The following WAPL variants were observed in gnomAD, a reference collection of about 807,000 sequenced individuals.
WAPL encodes the protein WAPL cohesin release factor, also known as wings apart-like protein homolog.
Under a neutral mutation model 121.0 loss-of-function variants are expected in WAPL, and 5 were observed. That is an observed-to-expected ratio of 0.04 (90% CI 0.02 to 0.09). The LOEUF (loss-of-function observed/expected upper bound fraction) is 0.09, where lower values mean the gene tolerates loss of function less well. Ranked by LOEUF, WAPL falls within the 10% of genes least tolerant of loss-of-function variation. WAPL has a pLI of 1.00. For missense variants in WAPL, 999 were observed against 1,410.8 expected (o/e 0.71, Z 4.68); for synonymous variants, 480 against 481.5 (o/e 1.00, Z 0.04).
chr10:86,439,072 A>T (rs929764588), intron 17 of WAPL, among the ~76,000 whole-genome samples: 6 of 152,196 alleles, frequency 3.9e-5, no homozygotes, highest in Non-Finnish European at 8.8e-5. Flanking sequence ...CCAACCAAAA[A>T]ACAAAAAGAA....
Position 86,500,757 on chromosome 10 carries a change from T to C in WAPL, c.500-14A>G. On this transcript the variant is annotated splice_polypyrimidine_tract_variant and intron_variant, in intron 2 of 18. Coordinates refer to ENST00000298767, the MANE Select transcript of WAPL (RefSeq NM_015045.5). ...TCTCCACTTTATCTGTAAAAATAAGTCAAAGGATAAAAACATGAGTGGTAT... is the reference window on the plus strand; with the variant it reads ...TCTCCACTTTATCTGTAAAAATAAGCCAAAGGATAAAAACATGAGTGGTAT... 6.5e-7 allele frequency: 1 copy of C among 1,533,868 alleles called. No individual in the cohort carries two copies. Among genetic ancestry groups the C allele is most frequent in the South Asian group, 1.3e-5 (1 of 76,532 alleles).
chr10:86,497,487 C>A (rs1176232081), intron 3 of WAPL, among the ~76,000 whole-genome samples, 168 bp from the exon 4 acceptor site: 1 of 152,212 alleles, frequency 6.6e-6, no homozygotes. Flanking sequence ...AAGTTTCATT[C>A]TGCCATTCTC....
chr10:86,494,329 T>C (rs965721698), intron 4 of WAPL, among the ~76,000 whole-genome samples: 2 of 152,198 alleles, frequency 1.3e-5, no homozygotes, highest in African/African-American at 2.4e-5. Flanking sequence ...ACTGTTTAAG[T>C]TGCAAGCCAA....
intron 2 of WAPL, among the ~76,000 whole-genome samples, chr10:86,507,229 G>A (rs1215700893): frequency 6.6e-6 from 1 of 151,582 alleles, no homozygotes; most frequent in Non-Finnish European, 1.5e-5. Context: ...TTAGCCAGGT[G>A]TGGTGACAGG....
chr10:86,453,545 C>T, intron 13 of WAPL, 111 bp downstream of exon 13: 1 of 1,328,572 alleles, frequency 7.5e-7, no homozygotes, highest in South Asian at 1.5e-5. Context: ...AAGTCAAGTA[C>T]ATTATGACAA....
At chr10:86,504,901 A>G (rs1234174325) in intron 2 of WAPL, among the ~76,000 whole-genome samples, 3 of 152,316 alleles carry the variant, frequency 2.0e-5, no homozygotes, top group African/African-American at 7.2e-5. Flanking sequence ...ATACTTTAGC[A>G]ATAACATTCA....
intron 12 of WAPL, among the ~76,000 whole-genome samples, chr10:86,454,415 CCT>C (rs747877708): frequency 3.7e-4 from 56 of 152,208 alleles, no homozygotes; most frequent in Non-Finnish European, 7.1e-4. Flanking sequence ...CCACGGTCTC[CCT>C]CTGATGCCAA....
At position 86,500,133 on chromosome 10, in the gene WAPL, A is replaced by G; in HGVS notation, c.1110T>C (p.Asn370=). The G allele has an allele frequency of 1.2e-6, 2 of 1,614,206 alleles. No homozygotes were observed. Among genetic ancestry groups the G allele is most frequent in the Non-Finnish European group, 1.7e-6 (2 of 1,180,036 alleles). ...VLHPSCLSVC[N]VTIQDTMERS... ...GTTCCATAGTATCCTGTATGGTAAC[A>G]TTACAAACTGACAAGCAAGATGGAT... The change falls in exon 3 of 19, where the codon AAT becomes AAC. Residue 370 remains asparagine (N), a synonymous_variant. Coordinates refer to ENST00000298767, the MANE Select transcript of WAPL (RefSeq NM_015045.5).
intron 15 of WAPL, among the ~76,000 whole-genome samples, chr10:86,450,586 C>T (rs1271945404): frequency 6.6e-6 from 1 of 152,092 alleles, no homozygotes; most frequent in Non-Finnish European, 1.5e-5. Context: ...GGGATCAAAG[C>T]GGTAGGTGCC....
chr10:86,507,320 A>G (rs1220753610), intron 2 of WAPL, among the ~76,000 whole-genome samples: 2 of 128,450 alleles, frequency 1.6e-5, no homozygotes, highest in Non-Finnish European at 3.1e-5. Flanking sequence ...GTCAGCCAAG[A>G]CTGTGCCACT....
chr10:86,510,127 T>C (rs1213150732), intron 2 of WAPL, among the ~76,000 whole-genome samples: 1 of 130,730 alleles, frequency 7.6e-6, no homozygotes, highest in Non-Finnish European at 1.5e-5. Context: ...CAGGCTGGAG[T>C]GCAGTGGCAT....
chr10:86,461,754 TTTTG>T (rs1382880523), intron 9 of WAPL, among the ~76,000 whole-genome samples: 7 of 152,256 alleles, frequency 4.6e-5, no homozygotes, highest in South Asian at 2.1e-4. Context: ...AACATACTGC[TTTTG>T]TTTGTATTTT....
At chr10:86,469,777 A>T (rs1336376775) in intron 8 of WAPL, among the ~76,000 whole-genome samples, 1 of 152,164 alleles carries the variant, frequency 6.6e-6, no homozygotes, top group Non-Finnish European at 1.5e-5. Flanking sequence ...TATACAGCAA[A>T]TTATTTTTGG....
At chr10:86,458,938 G>T in intron 12 of WAPL, 51 bp downstream of exon 12, 1 of 1,463,398 alleles carries the variant, frequency 6.8e-7, no homozygotes, top group Non-Finnish European at 9.4e-7. Context: ...CAATCCAAAT[G>T]TTTAAAATAA....
At chr10:86,440,381 G>A (rs1004434384) in intron 17 of WAPL, among the ~76,000 whole-genome samples, 2 of 151,506 alleles carry the variant, frequency 1.3e-5, no homozygotes, top group Admixed American at 6.6e-5. Context: ...TCCGCCTCCC[G>A]AGTTCACGCC....
At chr10:86,441,806 G>A (rs1211455361) in intron 17 of WAPL, among the ~76,000 whole-genome samples, 15 of 151,864 alleles carry the variant, frequency 9.9e-5, no homozygotes, top group African/African-American at 2.9e-4. Context: ...GTTCGAGACC[G>A]GCCAGGACAA....
At position 86,436,067 on chromosome 10, in the gene WAPL, A is replaced by G. The variant is rs998670961; in HGVS notation, c.*1476T>C. 2.0e-5 allele frequency: 3 copies of G among 152,602 alleles called. No homozygotes were observed. The highest frequency in any genetic ancestry group is 2.9e-5 in the Non-Finnish European group (2 of 68,034). 9.5% of individuals were successfully genotyped at this position (152,602 alleles called of 1,614,324 possible). On this transcript the variant is annotated 3_prime_UTR_variant, in exon 19 of 19. Coordinates refer to ENST00000298767, the MANE Select transcript of WAPL (RefSeq NM_015045.5). ...GAAAACAATTTGCCTGGAATCAGTT[A>G]CTTCCTTACAGATTTCCCAACAATC...
chr10:86,436,445 T>C lies in WAPL; in HGVS notation c.*1098A>G, dbSNP rs920742564. 1.3e-5 allele frequency: 2 copies of C among 152,212 alleles called. No homozygotes were observed. Among genetic ancestry groups the C allele is most frequent in the African/African-American group, 4.8e-5 (2 of 41,418 alleles). The allele number at this position is 152,212 out of a possible 1,614,324, so 9.4% of individuals were successfully genotyped here. A position where few individuals can be genotyped will look rare whatever the true frequency, so the allele number is the denominator to read the frequency against. On this transcript the variant is annotated 3_prime_UTR_variant, in exon 19 of 19. Coordinates refer to ENST00000298767, the MANE Select transcript of WAPL (RefSeq NM_015045.5). ...AATACAAGAAAAATTTGCAATGTTA[T>C]GATATTAAATCTATAAAATGTTTTG... is the stretch of plus-strand genomic sequence containing the variant.
chr10:86,521,256 C>A (rs775444739), intron 1 of WAPL, 109 bp downstream of exon 1: 27 of 236,026 alleles, frequency 1.1e-4, no homozygotes, highest in Non-Finnish European at 1.8e-4. Flanking sequence ...ACTTCCTCAG[C>A]GGCCCGGTGG....
Sources: gnomAD v4.1 joint callset for allele counts (sites outside exome capture counted in the v4.1 genomes callset) on GRCh38, gnomAD v4.1.1 for gene constraint, MANE v1.5 for transcripts, NCBI Gene and HGNC (gene_info 2026-07-23, HGNC 2026-07-21) for gene names.